Variants in ZNF678 observed in about 807,000 individuals in gnomAD.
ZNF678 encodes hypothetical protein MGC42493.
In ZNF678, 5 loss-of-function variants were observed where a neutral mutation model predicts 3.0. That is an observed-to-expected ratio of 1.69 (90% CI 0.88 to 3.56). The LOEUF is 3.56. Among genes scored for constraint, ZNF678 ranks in the 30% most tolerant of loss-of-function variants. ZNF678 has a pLI of 0.00. For synonymous variants in ZNF678, 218 were observed against 199.6 expected (o/e 1.09, Z -0.78); for missense variants, 593 against 605.0 (o/e 0.98, Z 0.21).
chr1:227,670,917 C>T (rs1659589009), intron 5 of ZNF678, among the ~76,000 whole-genome samples: 1 of 151,916 alleles, frequency 6.6e-6, no homozygotes, highest in South Asian at 2.1e-4. Context: ...ATCAGACCAC[C>T]AGGAATCCTT....
chr1:227,583,108 GC>G (rs1347879762), intron 1 of ZNF678, among the ~76,000 whole-genome samples: 2 of 151,850 alleles, frequency 1.3e-5, no homozygotes, highest in African/African-American at 4.8e-5. Flanking sequence ...TGTATCCGTT[GC>G]TCTGACTCCT....
chr1:227,587,442 T>C (rs1657290912), intron 1 of ZNF678, among the ~76,000 whole-genome samples: 1 of 152,200 alleles, frequency 6.6e-6, no homozygotes, highest in South Asian at 2.1e-4. Flanking sequence ...TTTCAGAGTC[T>C]TTAGACTGAT....
chr1:227,655,660 T>C lies in ZNF678; in HGVS notation c.1410T>C (p.Phe470=). The C allele has an allele frequency of 6.2e-7, 1 of 1,612,812 alleles. No homozygotes were observed. Among genetic ancestry groups the C allele is most frequent in the South Asian group, 1.1e-5 (1 of 91,038 alleles). Reference sequence around the variant, plus strand: ...AATGTGAAGAATGTGGCAAAGCCTTTAACCAGTTCTCAAGCCTTACTCGTC... The same window carrying C: ...AATGTGAAGAATGTGGCAAAGCCTTCAACCAGTTCTCAAGCCTTACTCGTC... ...PYKCEECGKA[F]NQFSSLTRHK... Residue 470 remains phenylalanine (F), a synonymous_variant, in exon 4 of 4, where the codon TTT becomes TTC. Coordinates refer to ENST00000343776, the MANE Select transcript of ZNF678 (RefSeq NM_001367909.1).
chr1:227,595,900 TCAAAACCAAAAC>T (rs1003760195), intron 1 of ZNF678, among the ~76,000 whole-genome samples: 4 of 151,918 alleles, frequency 2.6e-5, no homozygotes, highest in African/African-American at 9.7e-5. Flanking sequence ...TTAAACCAAG[TCAAAACCAAAAC>T]CAAAACCAAA....
intron 1 of ZNF678, 133 bp downstream of exon 1, chr1:227,563,857 C>T: frequency 1.2e-6 from 1 of 814,798 alleles, no homozygotes; most frequent in Non-Finnish European, 1.8e-6. Context: ...GCCAGGCCGC[C>T]GCGGGATTCT....
chr1:227,564,617 A>G (rs1656621300), intron 1 of ZNF678, among the ~76,000 whole-genome samples: 2 of 152,358 alleles, frequency 1.3e-5, no homozygotes, highest in South Asian at 2.1e-4. Context: ...TCTTCAGTTC[A>G]CAACACTGTC....
chr1:227,564,426 G>T (rs1380583178), intron 1 of ZNF678, among the ~76,000 whole-genome samples: 1 of 152,212 alleles, frequency 6.6e-6, no homozygotes, highest in African/African-American at 2.4e-5. Flanking sequence ...AGCCACCTCA[G>T]TCTAATTGCC....
intron 1 of ZNF678, among the ~76,000 whole-genome samples, chr1:227,643,867 T>TC (rs535323975): frequency 3.7e-3 from 532 of 142,474 alleles, no homozygotes; most frequent in Middle Eastern, 0.014. Context: ...TCTTTTCTTT[T>TC]TTTTTTTTTT....
intron 1 of ZNF678, among the ~76,000 whole-genome samples, chr1:227,582,305 GTTA>G (rs778745682): frequency 2.8e-4 from 42 of 151,604 alleles, no homozygotes; most frequent in Middle Eastern, 3.4e-3. Context: ...TAATTAATTT[GTTA>G]TTATATATGT....
chr1:227,659,020 T>C lies in ZNF678; in HGVS notation c.*3192T>C, dbSNP rs1659329193. On this transcript the variant is annotated 3_prime_UTR_variant, in exon 4 of 4. Coordinates refer to ENST00000343776, the MANE Select transcript of ZNF678 (RefSeq NM_001367909.1). Reference sequence around the variant, plus strand: ...CAAGCAAAAAAGTTTAAATTTAGTTTTTTATAAATTACATATAGCACAATT... The same window carrying C: ...CAAGCAAAAAAGTTTAAATTTAGTTCTTTATAAATTACATATAGCACAATT... 1.3e-5 allele frequency: 2 copies of C among 152,208 alleles called. No individual in the cohort carries two copies. Among genetic ancestry groups the C allele is most frequent in the African/African-American group, 2.4e-5 (1 of 41,578 alleles). 9.4% of individuals were successfully genotyped at this position (152,208 alleles called of 1,614,324 possible).
chr1:227,664,243 A>G (rs1196953014), downstream of ZNF678, among the ~76,000 whole-genome samples: 1 of 152,194 alleles, frequency 6.6e-6, no homozygotes, highest in Non-Finnish European at 1.5e-5. Context: ...CAGGGAGGAA[A>G]CCAGATCACG....
chr1:227,650,470 T>C (rs1429902400), intron 2 of ZNF678, among the ~76,000 whole-genome samples: 1 of 152,196 alleles, frequency 6.6e-6, no homozygotes, highest in East Asian at 1.9e-4. Context: ...AACTATTCAA[T>C]GTCTTGTAAT....
intron 1 of ZNF678, among the ~76,000 whole-genome samples, chr1:227,603,138 G>T (rs1270043621): frequency 6.6e-6 from 1 of 152,176 alleles, no homozygotes; most frequent in Admixed American, 6.5e-5. Flanking sequence ...ACGTGTGAAT[G>T]AAGTCTCAGG....
chr1:227,677,165 C>G (rs1571931315), intron 5 of ZNF678: 1 of 152,186 alleles, frequency 6.6e-6, no homozygotes, highest in East Asian at 1.9e-4. Flanking sequence ...ATCCTCCACC[C>G]TGTCATCTCT....
At chr1:227,569,527 C>T (rs1656781593) in intron 1 of ZNF678, among the ~76,000 whole-genome samples, 1 of 152,250 alleles carries the variant, frequency 6.6e-6, no homozygotes, top group African/African-American at 2.4e-5. Context: ...TCTTTCACCA[C>T]ATTGGTTGAA....
At chr1:227,635,662 C>G (rs1475541947) in intron 1 of ZNF678, among the ~76,000 whole-genome samples, 1 of 151,974 alleles carries the variant, frequency 6.6e-6, no homozygotes, top group Non-Finnish European at 1.5e-5. Context: ...TTTATGGTCT[C>G]CTGCAAGCTG....
At chr1:227,600,348 A>G (rs1417523007) in intron 1 of ZNF678, among the ~76,000 whole-genome samples, 1 of 152,218 alleles carries the variant, frequency 6.6e-6, no homozygotes, top group Non-Finnish European at 1.5e-5. Flanking sequence ...GCTGGGTCAA[A>G]TGGCAGTTCT....
intron 1 of ZNF678, among the ~76,000 whole-genome samples, chr1:227,588,008 A>G (rs1657307024): frequency 6.6e-6 from 1 of 151,748 alleles, no homozygotes; most frequent in Non-Finnish European, 1.5e-5. Flanking sequence ...ACAGGTGCCC[A>G]GTGTGTGTTG....
At chr1:227,563,848 C>T (rs1417724919) in intron 1 of ZNF678, 124 bp downstream of exon 1, 3 of 906,836 alleles carry the variant, frequency 3.3e-6, no homozygotes, top group African/African-American at 1.7e-5. Flanking sequence ...AGGGGCGGGG[C>T]CAGGCCGCCG....
Sources: gnomAD v4.1 joint callset for allele counts (sites outside exome capture counted in the v4.1 genomes callset) on GRCh38, gnomAD v4.1.1 for gene constraint, MANE v1.5 for transcripts, NCBI Gene and HGNC (gene_info 2026-07-23, HGNC 2026-07-21) for gene names.